Variants in CAMSAP1 observed in about 807,000 individuals in gnomAD.
CAMSAP1 encodes the protein calmodulin regulated spectrin associated protein 1.
In CAMSAP1, 58 loss-of-function variants were observed where a neutral mutation model predicts 143.5. The ratio of observed to expected loss-of-function variants is 0.40; its 90% CI spans 0.33 to 0.50. The LOEUF is 0.50. Ranked by LOEUF, CAMSAP1 falls within the 20% of genes least tolerant of loss-of-function variation. The pLI, the probability that CAMSAP1 is intolerant of heterozygous loss-of-function variation, is 0.45. For missense variants in CAMSAP1, 1,969 were observed against 2,115.7 expected (o/e 0.93, Z 1.36); for synonymous variants, 945 against 859.3 (o/e 1.10, Z -1.74).
At position 135,824,707 on chromosome 9, in the gene CAMSAP1, ATGATT is replaced by A. The variant is rs1208505966; in HGVS notation, c.1315+77_1315+81del. ...CAAAAAAATCACTACATCAGATAAAATGATTTAATTTTGAGAAATATGATTTTACT... is the reference window on the plus strand; with the variant it reads ...CAAAAAAATCACTACATCAGATAAAATAATTTTGAGAAATATGATTTTACT... On this transcript the variant is annotated intron_variant, in intron 9 of 16. Coordinates refer to ENST00000389532, the MANE Select transcript of CAMSAP1 (RefSeq NM_015447.4). The surrounding 1 kb of genome is among the most constrained non-coding windows in gnomAD (Gnocchi z 4.1). 10 of 1,054,918 alleles carry A rather than the reference ATGATT, an allele frequency of 9.5e-6. No homozygotes were observed. The East Asian group carries it at 2.8e-4, about 29-fold the overall frequency. The allele number at this position is 1,054,918 out of a possible 1,614,324, so 65.3% of individuals were successfully genotyped here.
At chr9:135,849,399 G>A (rs747306655) in intron 7 of CAMSAP1, among the ~76,000 whole-genome samples, 12 of 152,234 alleles carry the variant, frequency 7.9e-5, no homozygotes, top group East Asian at 1.9e-4. Context: ...GCTGCAGGCC[G>A]TCTGGGTGTC....
chr9:135,849,920 G>A (rs1220055857), intron 7 of CAMSAP1: 7 of 411,220 alleles, frequency 1.7e-5, no homozygotes, highest in Middle Eastern at 1.3e-3. Context: ...TTTTAGAGTT[G>A]TGCAATTTTT....
At chr9:135,817,931 C>A in intron 14 of CAMSAP1, 46 bp downstream of exon 14, 1 of 1,546,958 alleles carries the variant, frequency 6.5e-7, no homozygotes. Flanking sequence ...CCTGCCCCTC[C>A]GAACGTCCTC....
chr9:135,860,845 T>G (rs984456349), intron 5 of CAMSAP1, among the ~76,000 whole-genome samples: 4 of 152,176 alleles, frequency 2.6e-5, no homozygotes, highest in Admixed American at 6.5e-5. Context: ...GGGGTTCTCC[T>G]CAGTGGGCAG....
intron 4 of CAMSAP1, among the ~76,000 whole-genome samples, chr9:135,864,821 C>T (rs1164346505): frequency 6.6e-6 from 1 of 152,194 alleles, no homozygotes; most frequent in Non-Finnish European, 1.5e-5. Context: ...GCAGGAATGG[C>T]TGCAACACCC....
chr9:135,847,530 A>T (rs549936293), intron 7 of CAMSAP1, among the ~76,000 whole-genome samples: 1 of 151,954 alleles, frequency 6.6e-6, no homozygotes, highest in African/African-American at 2.4e-5. Flanking sequence ...CCATTAAAAA[A>T]AAGGATGAGT....
chr9:135,879,349 T>G (rs758452975), intron 3 of CAMSAP1, among the ~76,000 whole-genome samples: 3 of 151,996 alleles, frequency 2.0e-5, no homozygotes, highest in African/African-American at 7.3e-5. Context: ...CACTTACAAA[T>G]GCACAGCAAA....
chr9:135,821,542 T>C lies in CAMSAP1; in HGVS notation c.3119A>G (p.Lys1040Arg), dbSNP rs1324555099. The part of the protein sequence containing the change: ...TISTLQQAIL[K>R]ISQQQEQLLM... ...AAGCTGCTCTTGCTGCTGAGAGATT[T>C]TCAGGATGGCCTGCTGCAGCGTACT... is the stretch of plus-strand genomic sequence containing the variant. The change falls in exon 11 of 17, where the codon AAA becomes AGA. Residue 1040 changes from lysine to arginine, a missense_variant. Coordinates refer to ENST00000389532, the MANE Select transcript of CAMSAP1 (RefSeq NM_015447.4). This position sits in a 1 kb window ranked among gnomAD's most constrained non-coding sequence, Gnocchi z 4.6. 6.2e-7 allele frequency: 1 copy of C among 1,614,036 alleles called. No homozygotes were observed. Among genetic ancestry groups the C allele is most frequent in the African/African-American group, 1.3e-5 (1 of 75,054 alleles).
chr9:135,828,758 T>C (rs1835760467), intron 7 of CAMSAP1, among the ~76,000 whole-genome samples: 1 of 152,216 alleles, frequency 6.6e-6, no homozygotes, highest in African/African-American at 2.4e-5. Flanking sequence ...CCCAGGCACA[T>C]TATAATCAAA....
intron 3 of CAMSAP1, among the ~76,000 whole-genome samples, chr9:135,869,489 C>A (rs535158361): frequency 6.8e-6 from 1 of 146,880 alleles, no homozygotes; most frequent in African/African-American, 2.5e-5. Context: ...GGCAAAAGGG[C>A]GAGACTCAGT....
intron 7 of CAMSAP1, chr9:135,849,933 A>G: frequency 4.6e-6 from 2 of 439,130 alleles, no homozygotes; most frequent in Middle Eastern, 1.2e-3. Flanking sequence ...CAATTTTTAG[A>G]GCTGTGATTC....
intron 16 of CAMSAP1, among the ~76,000 whole-genome samples, chr9:135,814,617 C>T (rs117610233): frequency 6.6e-6 from 1 of 152,172 alleles, no homozygotes; most frequent in Non-Finnish European, 1.5e-5. Flanking sequence ...CCTCCCTCCC[C>T]ACTCCATCTT....
chr9:135,903,166 C>A (rs868086936), intron 1 of CAMSAP1, among the ~76,000 whole-genome samples: 1 of 152,194 alleles, frequency 6.6e-6, no homozygotes, highest in African/African-American at 2.4e-5. Flanking sequence ...TCTAGTCCAG[C>A]GTGCTATGCG....
intron 8 of CAMSAP1, 139 bp downstream of exon 8, chr9:135,827,268 C>G (rs1286438659): frequency 4.6e-6 from 4 of 873,684 alleles, no homozygotes; most frequent in Non-Finnish European, 6.5e-6. Flanking sequence ...GCCAGAAGGG[C>G]AGGGACAGAA....
chr9:135,866,784 C>A (rs558460514), intron 3 of CAMSAP1, among the ~76,000 whole-genome samples: 1 of 152,168 alleles, frequency 6.6e-6, no homozygotes, highest in Non-Finnish European at 1.5e-5. Flanking sequence ...AGTGCTCCCC[C>A]GTCACTGCGG....
rs1434641863 is a variant in CAMSAP1 at position 135,818,378 on chromosome 9, G to A, written c.4168+30C>T. 1.3e-6 allele frequency: 2 copies of A among 1,531,774 alleles called. No individual in the cohort carries two copies. Among genetic ancestry groups the A allele is most frequent in the Admixed American group, 2.0e-5 (1 of 51,156 alleles). The allele number at this position is 1,531,774 out of a possible 1,614,324, so 94.9% of individuals were successfully genotyped here. ...GAGGCCGCCGCCCGCGGAAGGAAGCGCTGCCCGCGTGAGGGCCGGGGCTGC... is the reference window on the plus strand; with the variant it reads ...GAGGCCGCCGCCCGCGGAAGGAAGCACTGCCCGCGTGAGGGCCGGGGCTGC... On this transcript the variant is annotated intron_variant, in intron 13 of 16. Transcript: ENST00000389532. The surrounding 1 kb of genome is among the most constrained non-coding windows in gnomAD (Gnocchi z 7.7).
In CAMSAP1 at chr9:135,810,907, G is replaced by A. The variant is rs1031717921; in HGVS notation, c.*402C>T. On this transcript the variant is annotated 3_prime_UTR_variant, in exon 17 of 17. Coordinates refer to ENST00000389532, the MANE Select transcript of CAMSAP1 (RefSeq NM_015447.4). ...TATGAGGGTGTCAGGCAATGTGCAAGGGGGCGAGGTGAGAAGCAAGAAAGC... is the reference window on the plus strand; with the variant it reads ...TATGAGGGTGTCAGGCAATGTGCAAAGGGGCGAGGTGAGAAGCAAGAAAGC... The A allele has an allele frequency of 4.6e-6, 1 of 215,094 alleles. No individual in the cohort carries two copies. 13.3% of individuals were successfully genotyped at this position (215,094 alleles called of 1,614,324 possible).
chr9:135,905,204 A>C (rs1206934097), intron 1 of CAMSAP1, among the ~76,000 whole-genome samples: 2 of 152,260 alleles, frequency 1.3e-5, no homozygotes. Flanking sequence ...CAAGGATTAA[A>C]GAGTGACCTG....
chr9:135,823,961 T>C lies in CAMSAP1; in HGVS notation c.1389A>G (p.Glu463=), dbSNP rs182383211. ...AAACACAGACTCACCTGGTTTTTTT[T>C]TCTGGCCAGGCTATTGCTGCTCCTC... The part of the protein sequence containing the change: ...QPRGAAIAWP[E]KKTRPASQPT... Residue 463 remains glutamate, a synonymous_variant, in exon 10 of 17, where the codon GAA becomes GAG. Coordinates refer to ENST00000389532, the MANE Select transcript of CAMSAP1 (RefSeq NM_015447.4). The C allele has an allele frequency of 5.1e-6, 8 of 1,581,260 alleles. No homozygotes were observed. In the African/African-American group the frequency reaches 9.4e-5, roughly 19 times the overall value.
Sources: allele counts gnomAD v4.1 joint callset (sites outside exome capture counted in the v4.1 genomes callset), GRCh38; gene constraint gnomAD v4.1.1; non-coding constraint Gnocchi (gnomAD v3.1); transcripts MANE v1.5; gene names NCBI Gene and HGNC (gene_info 2026-07-23, HGNC 2026-07-21).